The following ADCY10 variants were observed in gnomAD, a reference collection of about 807,000 sequenced individuals.
ADCY10 encodes the protein adenylate cyclase type 10.
Under a neutral mutation model 183.3 loss-of-function variants are expected in ADCY10, and 156 were observed. That is an observed-to-expected ratio of 0.85 (90% CI 0.75 to 0.97). The LOEUF (loss-of-function observed/expected upper bound fraction) is 0.97, where lower values mean the gene tolerates loss of function less well. Ranked by LOEUF, ADCY10 falls within the 50% of genes least tolerant of loss-of-function variation. ADCY10 has a pLI of 0.00. For missense variants in ADCY10, 1,745 were observed against 1,934.3 expected (o/e 0.90, Z 1.84); for synonymous variants, 645 against 670.0 (o/e 0.96, Z 0.58).
intron 32 of ADCY10, 97 bp downstream of exon 32, chr1:167,810,628 A>T: frequency 8.8e-7 from 1 of 1,141,568 alleles, no homozygotes; most frequent in Non-Finnish European, 1.3e-6. Flanking sequence ...ATATTTTGTT[A>T]ATGGCAGCCT....
chr1:167,860,930 C>T lies in ADCY10; in HGVS notation c.1750G>A (p.Val584Ile). 2 of 1,614,122 alleles carry T rather than the reference C, an allele frequency of 1.2e-6. No individual in the cohort carries two copies. Among genetic ancestry groups the T allele is most frequent in the Non-Finnish European group, 1.7e-6 (2 of 1,180,024 alleles). The part of the protein sequence containing the change: ...KERQTNLRNK[V>I]MTLLDEKFYC... Reference sequence around the variant, plus strand: ...AACTTTTCATCCAACAGTGTCATGACTTTATTTCGAAGGTTGGTCTGTCGT... The same window carrying T: ...AACTTTTCATCCAACAGTGTCATGATTTTATTTCGAAGGTTGGTCTGTCGT... The change falls in exon 15 of 33, where the codon GTC becomes ATC. Residue 584 changes from valine (V) to isoleucine (I), a missense_variant. Coordinates refer to ENST00000367851, the MANE Select transcript of ADCY10 (RefSeq NM_018417.6).
At chr1:167,860,420 G>A (rs1443701515) in intron 15 of ADCY10, among the ~76,000 whole-genome samples, 10 of 152,196 alleles carry the variant, frequency 6.6e-5, no homozygotes. Context: ...AATGGGGAGT[G>A]GCTATAAATA....
intron 32 of ADCY10, 127 bp from the exon 33 acceptor site, chr1:167,809,966 A>G (rs1324748154): frequency 3.3e-6 from 3 of 905,028 alleles, no homozygotes; most frequent in African/African-American, 3.3e-5. Context: ...GACAAAAACG[A>G]ATCTTGCTGT....
intron 17 of ADCY10, among the ~76,000 whole-genome samples, chr1:167,855,329 AAAACAAAC>A (rs34829966): frequency 8.6e-5 from 13 of 150,870 alleles, no homozygotes; most frequent in East Asian, 2.0e-4. Flanking sequence ...TAAAAAACAA[AAAACAAAC>A]AAACAAACAA....
intron 18 of ADCY10, among the ~76,000 whole-genome samples, chr1:167,853,152 AG>A (rs1301325144): frequency 6.6e-6 from 1 of 152,182 alleles, no homozygotes; most frequent in Non-Finnish European, 1.5e-5. Context: ...TTAGTCGCAG[AG>A]GAATACGTTT....
chr1:167,856,310 C>T lies in ADCY10; in HGVS notation c.2026G>A (p.Val676Ile), dbSNP rs576877531. Residue 676 changes from valine (V) to isoleucine (I), a missense_variant, in exon 17 of 33, where the codon GTT becomes ATT. Coordinates refer to ENST00000367851, the MANE Select transcript of ADCY10 (RefSeq NM_018417.6). ...CTGGCAGCTGCACAGGGAATGTTAA[C>T]GAAGGGACACAGGGACATAATGATG... ...IFIIMSLCPF[V>I]NIPCAAARAV... The T allele has an allele frequency of 4.2e-5, 68 of 1,613,974 alleles. 1 individual carries two copies. In the Admixed American group the frequency reaches 6.7e-4, roughly 16 times the overall value.
Position 167,854,396 on chromosome 1 carries a change from C to T in ADCY10, c.2265G>A (p.Thr755=), listed in dbSNP as rs959395699. ...EHHEVLVFQQ[T]ESEEKTNRTW... is the part of the protein sequence containing the mutation. Reference sequence around the variant, plus strand: ...TCCTATTTGTCTTTTCCTCAGACTCCGTTTGTTGGAAAACGAGTACCTCAT... The same window carrying T: ...TCCTATTTGTCTTTTCCTCAGACTCTGTTTGTTGGAAAACGAGTACCTCAT... The change falls in exon 18 of 33, where the codon ACG becomes ACA. Residue 755 remains threonine, a synonymous_variant. Transcript: ENST00000367851. 11 of 1,614,012 alleles carry T rather than the reference C, an allele frequency of 6.8e-6. No individual in the cohort carries two copies. The highest frequency in any genetic ancestry group is 1.3e-5 in the African/African-American group (1 of 74,900).
Position 167,822,995 on chromosome 1 carries a change from A to G in ADCY10, c.4168+13T>C. 1 of 1,612,030 alleles carries G rather than the reference A, an allele frequency of 6.2e-7. No homozygotes were observed. The highest frequency in any genetic ancestry group is 1.1e-5 in the South Asian group (1 of 91,052). On this transcript the variant is annotated intron_variant, in intron 29 of 32. Coordinates refer to ENST00000367851, the MANE Select transcript of ADCY10 (RefSeq NM_018417.6). ...CACCCCCAAGTTCTTTTACATCCCA[A>G]ACCCACACTTACCAGAATAAAGCAG...
chr1:167,833,457 C>A (rs927918143), intron 24 of ADCY10, among the ~76,000 whole-genome samples: 1 of 152,056 alleles, frequency 6.6e-6, no homozygotes, highest in African/African-American at 2.4e-5. Context: ...ATAAAGGTGT[C>A]AACCTGGGCC....
Position 167,902,061 on chromosome 1 carries a change from A to G in ADCY10, c.254-7T>C. The G allele has an allele frequency of 7.4e-7, 1 of 1,359,362 alleles. No individual in the cohort carries two copies. Among genetic ancestry groups the G allele is most frequent in the Non-Finnish European group, 9.9e-7 (1 of 1,008,336 alleles). 84.2% of individuals were successfully genotyped at this position (1,359,362 alleles called of 1,614,324 possible). A position where few individuals can be genotyped will look rare whatever the true frequency, so the allele number is the denominator to read the frequency against. ...CCTCCAAAAATCAACACTTCTGAGA[A>G]AAAAAAAAAAAATTAAATCAAACCC... is the stretch of plus-strand genomic sequence containing the variant. On this transcript the variant is annotated splice_polypyrimidine_tract_variant and splice_region_variant and intron_variant, in intron 3 of 32. Coordinates refer to ENST00000367851, the MANE Select transcript of ADCY10 (RefSeq NM_018417.6).
chr1:167,819,438 C>A (rs1662739086), intron 30 of ADCY10, among the ~76,000 whole-genome samples: 1 of 152,118 alleles, frequency 6.6e-6, no homozygotes, highest in Admixed American at 6.5e-5. Flanking sequence ...ACGGTTTCAC[C>A]ATATTGGCCA....
intron 2 of ADCY10, among the ~76,000 whole-genome samples, 163 bp from the exon 3 acceptor site, chr1:167,904,154 C>G (rs1404678327): frequency 4.4e-5 from 6 of 137,606 alleles, no homozygotes; most frequent in Non-Finnish European, 9.1e-5. Flanking sequence ...ATGGTGTGAT[C>G]TCAGCTCACT....
chr1:167,890,276 G>A (rs1668500366), intron 8 of ADCY10, among the ~76,000 whole-genome samples: 2 of 152,244 alleles, frequency 1.3e-5, no homozygotes, highest in Admixed American at 1.3e-4. Context: ...AGCACCGCAA[G>A]TGCAGTAATG....
chr1:167,873,179 A>G (rs1003593647), intron 13 of ADCY10, among the ~76,000 whole-genome samples: 1 of 152,076 alleles, frequency 6.6e-6, no homozygotes, highest in Non-Finnish European at 1.5e-5. Context: ...CAGTTAGTAA[A>G]ATAAGTATAT....
chr1:167,853,436 G>A (rs920817684), intron 18 of ADCY10, among the ~76,000 whole-genome samples: 5 of 152,118 alleles, frequency 3.3e-5, no homozygotes, highest in Non-Finnish European at 5.9e-5. Flanking sequence ...TCCCATGGCA[G>A]GGCTTTCTTT....
chr1:167,824,494 C>T lies in ADCY10; in HGVS notation c.4034G>A (p.Cys1345Tyr), dbSNP rs748895833. 2.6e-5 allele frequency: 42 copies of T among 1,614,052 alleles called. No homozygotes were observed. The highest frequency in any genetic ancestry group is 1.6e-4 in the Middle Eastern group (1 of 6,074). Residue 1345 changes from cysteine to tyrosine, a missense_variant, in exon 28 of 33, where the codon TGT (cysteine) becomes TAT (tyrosine). Transcript: ENST00000367851. ...TAAATACCTGCTGTTCAGAAGGAGA[C>T]ATCTGCTAAGTCTGCAGAGGGACTG... Reference protein sequence around the residue: ...HYQSLCRLSRCLLLNSRYPQL... With the variant: ...HYQSLCRLSRYLLLNSRYPQL...
chr1:167,869,831 C>G (rs1666972773), intron 14 of ADCY10, among the ~76,000 whole-genome samples: 1 of 152,062 alleles, frequency 6.6e-6, no homozygotes, highest in African/African-American at 2.4e-5. Flanking sequence ...TGCCGATTCT[C>G]CCAGCTGATT....
chr1:167,851,797 T>G (rs1272814872), intron 18 of ADCY10, among the ~76,000 whole-genome samples: 4 of 147,958 alleles, frequency 2.7e-5, no homozygotes, highest in African/African-American at 1.0e-4. Flanking sequence ...CACTCCAGCC[T>G]GGGCGACAGA....
chr1:167,887,106 A>G (rs1438168909), intron 8 of ADCY10, among the ~76,000 whole-genome samples: 1 of 152,180 alleles, frequency 6.6e-6, no homozygotes, highest in Non-Finnish European at 1.5e-5. Flanking sequence ...TGGGACTGTA[A>G]ACTAGTTCAA....
Sources: allele counts gnomAD v4.1 joint callset (sites outside exome capture counted in the v4.1 genomes callset), GRCh38; gene constraint gnomAD v4.1.1; transcripts MANE v1.5; gene names NCBI Gene and HGNC (gene_info 2026-07-23, HGNC 2026-07-21).